The following FGD4 variants were observed in gnomAD, a reference collection of about 807,000 sequenced individuals.
The protein encoded by FGD4 is FYVE, RhoGEF and PH domain-containing protein 4.
FGD4 carries 42 observed loss-of-function variants against 102.0 expected under a neutral mutation model. The ratio of observed to expected loss-of-function variants is 0.41; its 90% confidence interval spans 0.32 to 0.53. FGD4 has a LOEUF of 0.53. FGD4 is among the 20% of genes least tolerant of loss of function. The pLI is 0.21. For synonymous variants in FGD4, 380 were observed against 375.7 expected, an observed-to-expected ratio of 1.01 and a Z score of -0.13; for missense variants, 902 against 1,078.2, an observed-to-expected ratio of 0.84 and a Z score of 2.29.
chr12:32,505,909 T>G (rs1489413875), intron 1 of FGD4, among the ~76,000 whole-genome samples: 1 of 152,232 alleles, frequency 6.6e-6, no homozygotes, highest in Non-Finnish European at 1.5e-5. Flanking sequence ...GCAAACAGAC[T>G]GAATCTCTTG....
intron 7 of FGD4, among the ~76,000 whole-genome samples, chr12:32,603,124 T>C (rs938709263): frequency 6.6e-6 from 1 of 152,228 alleles, no homozygotes; most frequent in Non-Finnish European, 1.5e-5. Context: ...GTCCTGTATA[T>C]TAAGTTTTTA....
chr12:32,585,222 T>TTATTTATATATATATATATATA (rs960851781), intron 4 of FGD4, among the ~76,000 whole-genome samples: 10 of 116,138 alleles, frequency 8.6e-5, no homozygotes, highest in African/African-American at 3.1e-4. Flanking sequence ...CTCAAAAATT[T>TTATTTATATATATATATATATA]TATATATATA....
chr12:32,560,513 C>G (rs370776791), intron 1 of FGD4, among the ~76,000 whole-genome samples: 1 of 152,162 alleles, frequency 6.6e-6, no homozygotes, highest in East Asian at 1.9e-4. Context: ...GCCTCAGCCT[C>G]GCAAAGTGTT....
At position 32,399,973 on chromosome 12, in the gene FGD4, G is replaced by A. The variant is rs1940578504; in HGVS notation, c.166+14G>A. The A allele has an allele frequency of 4.8e-6, 7 of 1,449,054 alleles. No individual in the cohort carries two copies. The Admixed American group carries it at 1.3e-4, about 27-fold the overall frequency. 89.8% of individuals were successfully genotyped at this position (1,449,054 alleles called of 1,614,324 possible). ...CAGGAGCCACAGGTAAGCGCCTCGGGGCGCGGGGGAAGGGTGGCCCCGGCG... is the reference window on the plus strand; with the variant it reads ...CAGGAGCCACAGGTAAGCGCCTCGGAGCGCGGGGGAAGGGTGGCCCCGGCG... On this transcript the variant is annotated intron_variant, in intron 1 of 16. Transcript: ENST00000534526.
Position 32,605,230 on chromosome 12 carries a change from C to T in FGD4, c.1405-2727C>T, listed in dbSNP as rs573514258. ...CTAAAATTACAGGCAGGAGCCACTG[C>T]ACCCGGCCTATCAGCTGCTTTTAAC... On this transcript the variant is annotated intron_variant, in intron 7 of 16. Transcript: ENST00000534526. Among the ~76,000 whole-genome samples, 17 of 152,216 alleles carry T rather than the reference C, an allele frequency of 1.1e-4. No homozygotes were observed. In the East Asian group the frequency reaches 1.9e-3, roughly 17 times the overall value.
At chr12:32,635,555 A>G in intron 15 of FGD4, among the ~76,000 whole-genome samples, 1 of 152,196 alleles carries the variant, frequency 6.6e-6, no homozygotes, top group Middle Eastern at 3.2e-3. Flanking sequence ...GCCCTAGAAC[A>G]GTGATCAACA....
chr12:32,529,134 G>C (rs1941545611), intron 1 of FGD4, among the ~76,000 whole-genome samples: 1 of 150,674 alleles, frequency 6.6e-6, no homozygotes, highest in South Asian at 2.1e-4. Context: ...ATTTTTTTTT[G>C]AGACGCAGTC....
At position 32,610,756 on chromosome 12, in the gene FGD4, T is replaced by C; in HGVS notation, c.1544-20T>C. On this transcript the variant is annotated intron_variant, in intron 8 of 16. Transcript: ENST00000534526. Reference sequence around the variant, plus strand: ...GAAGGACAAAGCATATTTATTTACTTTTCTTTTTTTCCCATTTAGAATCAC... The same window carrying C: ...GAAGGACAAAGCATATTTATTTACTCTTCTTTTTTTCCCATTTAGAATCAC... 1.9e-6 allele frequency: 3 copies of C among 1,604,262 alleles called. No homozygotes were observed. The highest frequency in any genetic ancestry group is 2.6e-6 in the Non-Finnish European group (3 of 1,172,800).
intron 1 of FGD4, among the ~76,000 whole-genome samples, chr12:32,463,182 C>A (rs926703222): frequency 6.6e-6 from 1 of 152,192 alleles, no homozygotes; most frequent in African/African-American, 2.4e-5. Flanking sequence ...AGCTGTGAGA[C>A]AAGATGGAAT....
In FGD4 at chr12:32,645,676, G is replaced by C. The variant is rs548231913; in HGVS notation, c.*5143G>C. ...CTCGGGAGGTTGAGGCAGGAGAATT[G>C]CTTGAACCCGGGAGACAGAGGTTGC... On this transcript the variant is annotated 3_prime_UTR_variant, in exon 17 of 17. Transcript: ENST00000534526. The C allele has an allele frequency of 1.1e-4, 17 of 152,348 alleles. No homozygotes were observed. Among genetic ancestry groups the C allele is most frequent in the African/African-American group, 3.8e-4 (16 of 41,564 alleles). The allele number at this position is 152,348 out of a possible 1,614,324, so 9.4% of individuals were successfully genotyped here.
intron 4 of FGD4, among the ~76,000 whole-genome samples, chr12:32,584,476 C>G (rs1946847756): frequency 6.6e-6 from 1 of 152,158 alleles, no homozygotes; most frequent in Admixed American, 6.5e-5. Context: ...AATTCTACTT[C>G]TGGCTTGTCT....
At chr12:32,423,638 G>C (rs1275183127) in intron 1 of FGD4, among the ~76,000 whole-genome samples, 1 of 150,942 alleles carries the variant, frequency 6.6e-6, no homozygotes, top group Non-Finnish European at 1.5e-5. Context: ...TAAATAAAAG[G>C]CTGGCTACTC....
intron 1 of FGD4, among the ~76,000 whole-genome samples, chr12:32,428,516 C>T (rs925945570): frequency 1.3e-5 from 2 of 152,002 alleles, no homozygotes; most frequent in African/African-American, 4.8e-5. Flanking sequence ...TCAGTTCAAC[C>T]TTGGAGAATC....
At chr12:32,599,532 A>ATTTTTTTTTTTTTTT (rs1948203574) in intron 5 of FGD4, among the ~76,000 whole-genome samples, 1 of 47,704 alleles carries the variant, frequency 2.1e-5, no homozygotes, top group African/African-American at 8.4e-5. Flanking sequence ...AAACTAAGGC[A>ATTTTTTTTTTTTTTT]TCTTTTTTTT....
chr12:32,422,548 T>G (rs1167801335), intron 1 of FGD4, among the ~76,000 whole-genome samples: 1 of 151,708 alleles, frequency 6.6e-6, no homozygotes, highest in Non-Finnish European at 1.5e-5. Flanking sequence ...TCCACCCGCC[T>G]CAGCCTCCCA....
chr12:32,577,671 C>T (rs955323921), intron 3 of FGD4, among the ~76,000 whole-genome samples: 1 of 152,208 alleles, frequency 6.6e-6, no homozygotes, highest in African/African-American at 2.4e-5. Context: ...GCCTCTCTTC[C>T]TCTGAAGTAG....
At chr12:32,450,574 A>T (rs1942747133) in intron 1 of FGD4, among the ~76,000 whole-genome samples, 1 of 152,172 alleles carries the variant, frequency 6.6e-6, no homozygotes, top group Non-Finnish European at 1.5e-5. Flanking sequence ...TACTAGAATC[A>T]GCGATTTCTC....
At chr12:32,444,012 CT>C (rs1222327174) in intron 1 of FGD4, among the ~76,000 whole-genome samples, 2 of 140,844 alleles carry the variant, frequency 1.4e-5, no homozygotes, top group Non-Finnish European at 3.0e-5. Flanking sequence ...GACAGGCTGA[CT>C]TTGTTTTCTT....
chr12:32,453,189 T>TA (rs1555183310), intron 1 of FGD4, among the ~76,000 whole-genome samples: 231 of 94,040 alleles, frequency 2.5e-3, no homozygotes, highest in Middle Eastern at 0.016. Context: ...TATATATATT[T>TA]TATATATATA....
Sources: gnomAD v4.1 joint callset for allele counts (sites outside exome capture counted in the v4.1 genomes callset) on GRCh38, gnomAD v4.1.1 for gene constraint, MANE v1.5 for transcripts, NCBI Gene and HGNC (gene_info 2026-07-23, HGNC 2026-07-21) for gene names.